RHOBTB2: variants seen among roughly 807,000 people sequenced by gnomAD.
The protein encoded by RHOBTB2 is rho-related BTB domain-containing protein 2.
A neutral mutation model predicts 66.5 loss-of-function variants in RHOBTB2; 39 were observed. That is an observed-to-expected ratio of 0.59 (90% CI 0.45 to 0.77). The LOEUF is 0.77. RHOBTB2 is among the 30% of genes least tolerant of loss of function. The pLI, the probability that RHOBTB2 is intolerant of heterozygous loss-of-function variation, is 0.00. For synonymous variants in RHOBTB2, 390 were observed against 395.0 expected, an observed-to-expected ratio of 0.99 and a Z score of 0.15; for missense variants, 755 against 999.1, an observed-to-expected ratio of 0.76 and a Z score of 3.29.
chr8:23,012,907 G>T (rs370698683), intron 7 of RHOBTB2, among the ~76,000 whole-genome samples: 1 of 152,132 alleles, frequency 6.6e-6, no homozygotes, highest in African/African-American at 2.4e-5. Flanking sequence ...GGGTTCAAGC[G>T]ATTCTCCTGC....
chr8:22,951,388 G>A, the RHOBTB2 span, among the ~76,000 whole-genome samples: 16 of 151,534 alleles, frequency 1.1e-4, no homozygotes, highest in Admixed American at 7.3e-4. Context: ...AGTGTCACGC[G>A]CATCCATGTA....
chr8:22,977,387 C>T, the RHOBTB2 span, among the ~76,000 whole-genome samples: 2 of 151,982 alleles, frequency 1.3e-5, no homozygotes, highest in Non-Finnish European at 2.9e-5. Context: ...CAAGATCAGC[C>T]TGGGCAACAT....
At chr8:22,963,365 T>C in the RHOBTB2 span, among the ~76,000 whole-genome samples, 46 of 152,324 alleles carry the variant, frequency 3.0e-4, no homozygotes, top group South Asian at 8.9e-3. Context: ...TGAAGACACA[T>C]ATTTTTATCT....
chr8:22,984,948 G>A (rs1456071748), upstream of RHOBTB2: 1 of 111,016 alleles, frequency 9.0e-6, no homozygotes, highest in East Asian at 3.1e-4. Context: ...AAAAAAGAGT[G>A]TTTTCAGTTT....
chr8:22,983,700 A>T (rs1451156958), upstream of RHOBTB2, among the ~76,000 whole-genome samples: 3 of 151,832 alleles, frequency 2.0e-5, no homozygotes, highest in East Asian at 5.8e-4. Context: ...CTGGTTTCAC[A>T]TACTTTGGAT....
At chr8:22,994,613 C>G, upstream of RHOBTB2, 1 of 1,551,506 alleles carries the variant, frequency 6.4e-7, no homozygotes. Context: ...GCCCCGATGG[C>G]CCCCAGAAGA....
Position 23,004,767 on chromosome 8 carries a change from GA to G in RHOBTB2, c.192+143del, listed in dbSNP as rs1331613940. The stretch of plus-strand genomic sequence containing the variant: ...GGATGGGTTGGGGGCAGCTGAAGAG[GA>G]AGGAGCCCCTGGAGAGAGGTTTAAG... On this transcript the variant is annotated intron_variant, in intron 2 of 9. Coordinates refer to ENST00000251822, the MANE Select transcript of RHOBTB2 (RefSeq NM_015178.3). This position sits in a 1 kb window ranked among gnomAD's most constrained non-coding sequence, Gnocchi z 6.4. 5 of 781,848 alleles carry G rather than the reference GA, an allele frequency of 6.4e-6. No individual in the cohort carries two copies. The Admixed American group carries it at 9.4e-5, about 15-fold the overall frequency. 48.4% of individuals were successfully genotyped at this position (781,848 alleles called of 1,614,324 possible).
At chr8:22,988,665 C>A (rs1051101409) in intron 1 of RHOBTB2, among the ~76,000 whole-genome samples, 1 of 152,298 alleles carries the variant, frequency 6.6e-6, no homozygotes, top group Non-Finnish European at 1.5e-5. Flanking sequence ...CAGGAGCTCT[C>A]AGGCTTACTG....
chr8:22,961,210 TACC>T, the RHOBTB2 span, among the ~76,000 whole-genome samples: 1,166 of 152,258 alleles, frequency 7.7e-3, 9 homozygotes, highest in African/African-American at 0.025. Flanking sequence ...CCCTGCAATC[TACC>T]TTAGTAGTAA....
chr8:23,004,342 T>A lies in RHOBTB2; in HGVS notation c.-10-83T>A. ...GGGCTTGCAGAGGGGGCAGCCTGGC[T>A]GAGGAGAGCTGCGGGTGCTGGCCCT... On this transcript the variant is annotated intron_variant, in intron 1 of 9. Transcript: ENST00000251822. The surrounding 1 kb of genome is among the most constrained non-coding windows in gnomAD (Gnocchi z 6.4). 4.2e-6 allele frequency: 5 copies of A among 1,201,922 alleles called. 1 individual carries two copies. The South Asian group carries it at 6.3e-5, about 15-fold the overall frequency. 74.5% of individuals were successfully genotyped at this position (1,201,922 alleles called of 1,614,324 possible).
At chr8:22,982,625 T>A (rs1290056482), upstream of RHOBTB2, among the ~76,000 whole-genome samples, 1 of 152,168 alleles carries the variant, frequency 6.6e-6, no homozygotes, top group African/African-American at 2.4e-5. Context: ...GAGGCTGCAA[T>A]GAGCTGTGAT....
chr8:23,015,496 G>A, intron 8 of RHOBTB2, 142 bp from the exon 9 acceptor site: 1 of 603,370 alleles, frequency 1.7e-6, no homozygotes. Flanking sequence ...GTGTGGCCTT[G>A]CCTCTGGCGC....
the RHOBTB2 span, among the ~76,000 whole-genome samples, chr8:22,956,657 G>A: frequency 6.6e-6 from 1 of 151,924 alleles, no homozygotes; most frequent in East Asian, 1.9e-4. Flanking sequence ...TCCAGGTTTT[G>A]TTTGTTTGTT....
intron 6 of RHOBTB2, among the ~76,000 whole-genome samples, chr8:23,010,209 G>C (rs1036120388): frequency 6.6e-6 from 1 of 152,222 alleles, no homozygotes; most frequent in African/African-American, 2.4e-5. Flanking sequence ...CAGCTACTGA[G>C]GAGGCTGAGG....
the RHOBTB2 span, among the ~76,000 whole-genome samples, chr8:22,966,263 G>C: frequency 3.3e-5 from 5 of 152,012 alleles, no homozygotes; most frequent in African/African-American, 1.2e-4. Flanking sequence ...TGAGGCAAGA[G>C]AATTGCTTGA....
chr8:23,005,309 G>A, intron 2 of RHOBTB2, 63 bp from the exon 3 acceptor site: 7 of 1,233,684 alleles, frequency 5.7e-6, no homozygotes, highest in Non-Finnish European at 8.4e-6. Context: ...CTTATCCTGA[G>A]GTGGCACGCA....
chr8:23,007,511 G>A lies in RHOBTB2; in HGVS notation c.1266G>A (p.Gln422=), dbSNP rs1811006898. The A allele has an allele frequency of 9.9e-6, 16 of 1,614,020 alleles. No individual in the cohort carries two copies. The highest frequency in any genetic ancestry group is 1.4e-5 in the Non-Finnish European group (16 of 1,180,042). ...TGGTGAAGATGGACAGTTCCATCCA[G>A]CCGGGGCCCTTCCGGGCTGTCCTCA... ...MVVVKMDSSI[Q]PGPFRAVLKY... is the part of the protein sequence containing the mutation. Residue 422 remains glutamine (Q), a synonymous_variant, in exon 5 of 10, where the codon CAG becomes CAA. Coordinates refer to ENST00000251822, the MANE Select transcript of RHOBTB2 (RefSeq NM_015178.3).
At chr8:23,009,969 C>G (rs1288626392) in intron 6 of RHOBTB2, among the ~76,000 whole-genome samples, 5 of 152,198 alleles carry the variant, frequency 3.3e-5, no homozygotes, top group African/African-American at 1.2e-4. Context: ...CCCAAAGCAG[C>G]AGCTCTGAGC....
chr8:22,982,256 C>T, the RHOBTB2 span, among the ~76,000 whole-genome samples: 3 of 152,230 alleles, frequency 2.0e-5, no homozygotes, highest in Non-Finnish European at 2.9e-5. Context: ...GTCTCCTGGC[C>T]TTCCCACCTG....
Sources: allele counts gnomAD v4.1 joint callset (sites outside exome capture counted in the v4.1 genomes callset), GRCh38; gene constraint gnomAD v4.1.1; non-coding constraint Gnocchi (gnomAD v3.1); transcripts MANE v1.5; gene names NCBI Gene and HGNC (gene_info 2026-07-23, HGNC 2026-07-21).